SLC13A5: variants seen among roughly 807,000 people sequenced by gnomAD.
The protein encoded by SLC13A5 is solute carrier family 13 member 5, also known as Na(+)/citrate cotransporter.
SLC13A5 carries 25 observed loss-of-function variants against 56.5 expected under a neutral mutation model. The ratio of observed to expected loss-of-function variants is 0.44; its 90% CI spans 0.32 to 0.62. The LOEUF (loss-of-function observed/expected upper bound fraction) is 0.62, where lower values mean the gene tolerates loss of function less well. Among genes scored for constraint, SLC13A5 ranks in the 20% least tolerant of loss-of-function variants. SLC13A5 has a pLI of 0.04. For missense variants in SLC13A5, 649 were observed against 737.8 expected, an observed-to-expected ratio of 0.88 and a Z score of 1.39; for synonymous variants, 307 against 301.5, an observed-to-expected ratio of 1.02 and a Z score of -0.19.
Position 6,711,324 on chromosome 17 carries a change from G to C in SLC13A5, c.102+1908C>G, listed in dbSNP as rs1974015339. Among the ~76,000 whole-genome samples the C allele has an allele frequency of 1.3e-5, 2 of 152,100 alleles. No homozygotes were observed. Among genetic ancestry groups the C allele is most frequent in the African/African-American group, 4.8e-5 (2 of 41,422 alleles). On this transcript the variant is annotated intron_variant, in intron 1 of 11. Coordinates refer to ENST00000433363, the MANE Select transcript of SLC13A5 (RefSeq NM_177550.5). This position sits in a 1 kb window ranked among gnomAD's most constrained non-coding sequence, Gnocchi z 4.0. Reference sequence around the variant, plus strand: ...GGTCCTCACCCAACCCCGCCAGAAGGAAAGCTCGTGAAGGCAGCCTTTGGA... The same window carrying C: ...GGTCCTCACCCAACCCCGCCAGAAGCAAAGCTCGTGAAGGCAGCCTTTGGA...
At position 6,701,579 on chromosome 17, in the gene SLC13A5, G is replaced by A. The variant is rs867853935; in HGVS notation, c.717-453C>T. Among the ~76,000 whole-genome samples the A allele has an allele frequency of 1.4e-4, 21 of 152,210 alleles. No homozygotes were observed. Among genetic ancestry groups the A allele is most frequent in the African/African-American group, 1.9e-4 (8 of 41,536 alleles). On this transcript the variant is annotated intron_variant, in intron 5 of 11. Coordinates refer to ENST00000433363, the MANE Select transcript of SLC13A5 (RefSeq NM_177550.5). The surrounding 1 kb of genome is among the most constrained non-coding windows in gnomAD (Gnocchi z 4.1). ...ACAAAAATTAACCAGGCATGGTGGCGGGCGCCTGTAATCCCAGCTAATAGG... is the reference window on the plus strand; with the variant it reads ...ACAAAAATTAACCAGGCATGGTGGCAGGCGCCTGTAATCCCAGCTAATAGG...
intron 3 of SLC13A5, 87 bp from the exon 4 acceptor site, chr17:6,704,143 C>T (rs971401460): frequency 2.1e-6 from 3 of 1,438,102 alleles, no homozygotes; most frequent in Non-Finnish European, 1.9e-6. Context: ...TGGGTCCACC[C>T]CTGCAGGGAT....
intron 6 of SLC13A5, among the ~76,000 whole-genome samples, chr17:6,700,561 AT>A (rs1463692330): frequency 6.6e-6 from 1 of 152,176 alleles, no homozygotes; most frequent in African/African-American, 2.4e-5. Context: ...CTTATCTTTA[AT>A]TGCTTTAACC....
rs1216409113 is a variant in SLC13A5, at chr17:6,692,603, C to T, written c.1275+441G>A. Among the ~76,000 whole-genome samples, 2 of 152,182 alleles carry T rather than the reference C, an allele frequency of 1.3e-5. No individual in the cohort carries two copies. Among genetic ancestry groups the T allele is most frequent in the Non-Finnish European group, 2.9e-5 (2 of 68,050 alleles). On this transcript the variant is annotated intron_variant, in intron 9 of 11. Transcript: ENST00000433363. This position sits in a 1 kb window ranked among gnomAD's most constrained non-coding sequence, Gnocchi z 5.5. ...TGTGTGTTTTCCAACATGTTCCTCACCTCCTACGCTGCTACATACTTAGCT... is the reference window on the plus strand; with the variant it reads ...TGTGTGTTTTCCAACATGTTCCTCATCTCCTACGCTGCTACATACTTAGCT...
At position 6,703,760 on chromosome 17, in the gene SLC13A5, G is replaced by A. The variant is rs77568935; in HGVS notation, c.547+118C>T. On this transcript the variant is annotated intron_variant, in intron 4 of 11. Transcript: ENST00000433363. ...ATTTTCTATTTTTTTTTCTCTATGCGTGTTTAAAGGAGGGCTCCGGGAAGC... is the reference window on the plus strand; with the variant it reads ...ATTTTCTATTTTTTTTTCTCTATGCATGTTTAAAGGAGGGCTCCGGGAAGC... 1.8e-3 allele frequency: 1,858 copies of A among 1,041,082 alleles called. 20 individuals are homozygous for A. The African/African-American group carries it at 0.023, about 13-fold the overall frequency. 64.5% of individuals were successfully genotyped at this position (1,041,082 alleles called of 1,614,324 possible). A position where few individuals can be genotyped will look rare whatever the true frequency, so the allele number is the denominator to read the frequency against.
At chr17:6,703,627 C>T (rs1175896124) in intron 4 of SLC13A5, among the ~76,000 whole-genome samples, 1 of 152,228 alleles carries the variant, frequency 6.6e-6, no homozygotes, top group Non-Finnish European at 1.5e-5. Context: ...CAGGTGAACA[C>T]ACTGATTTCT....
At position 6,693,172 on chromosome 17, in the gene SLC13A5, AAAAG is replaced by A; in HGVS notation, c.1157-14_1157-11del. ...AATGGAGTTTTCCTTTCTGGGAAGA[AAAAG>A]AAACACACACACACACACACACACA... On this transcript the variant is annotated splice_polypyrimidine_tract_variant and intron_variant, in intron 8 of 11. Coordinates refer to ENST00000433363, the MANE Select transcript of SLC13A5 (RefSeq NM_177550.5). The A allele has an allele frequency of 8.2e-7, 1 of 1,213,950 alleles. No individual in the cohort carries two copies. The highest frequency in any genetic ancestry group is 1.2e-6 in the Non-Finnish European group (1 of 849,144). 75.2% of individuals were successfully genotyped at this position (1,213,950 alleles called of 1,614,324 possible).
chr17:6,696,001 G>C (rs960033148), intron 6 of SLC13A5, 60 bp from the exon 7 acceptor site: 9 of 1,482,022 alleles, frequency 6.1e-6, no homozygotes, highest in Non-Finnish European at 6.5e-6. Flanking sequence ...GTGCTGGTCA[G>C]ATGGAGCCTA....
chr17:6,706,586 T>G, intron 3 of SLC13A5, 56 bp downstream of exon 3: 1 of 1,591,520 alleles, frequency 6.3e-7, no homozygotes, highest in South Asian at 1.1e-5. Flanking sequence ...CTCCACCCCC[T>G]TCCAGCCCTG....
intron 5 of SLC13A5, 33 bp downstream of exon 5, chr17:6,702,937 C>T (rs190122953): frequency 9.4e-5 from 151 of 1,606,660 alleles, no homozygotes; most frequent in East Asian, 8.9e-4. Flanking sequence ...GTACCCACTT[C>T]GTTGTCCCCA....
intron 1 of SLC13A5, among the ~76,000 whole-genome samples, chr17:6,708,035 C>T (rs963923626): frequency 6.6e-6 from 1 of 152,172 alleles, no homozygotes; most frequent in African/African-American, 2.4e-5. Context: ...TGCAATGGCA[C>T]AATCTCAGCT....
At chr17:6,693,223 A>C in intron 8 of SLC13A5, 61 bp from the exon 9 acceptor site, 1 of 812,928 alleles carries the variant, frequency 1.2e-6, no homozygotes. Flanking sequence ...ACACACACAC[A>C]CACACACCAG....
rs369989423 is a variant in SLC13A5 at position 6,713,341 on chromosome 17, G to A, written c.-8C>T. On this transcript the variant is annotated 5_prime_UTR_variant, in exon 1 of 12. Coordinates refer to ENST00000433363, the MANE Select transcript of SLC13A5 (RefSeq NM_177550.5). The surrounding 1 kb of genome is among the most constrained non-coding windows in gnomAD (Gnocchi z 7.3). ...GCTCAGCGCCGAGGCCATCGCGCGG[G>A]AGGGAGACTGGCGGGCGAGACGAGT... is the stretch of plus-strand genomic sequence containing the variant. 5 of 1,612,980 alleles carry A rather than the reference G, an allele frequency of 3.1e-6. No homozygotes were observed. Among genetic ancestry groups the A allele is most frequent in the Non-Finnish European group, 4.2e-6 (5 of 1,179,424 alleles).
At position 6,695,882 on chromosome 17, in the gene SLC13A5, T is replaced by C; in HGVS notation, c.899A>G (p.Lys300Arg). 6.2e-7 allele frequency: 1 copy of C among 1,614,114 alleles called. No individual in the cohort carries two copies. The highest frequency in any genetic ancestry group is 1.1e-5 in the South Asian group (1 of 91,072). The change falls in exon 7 of 12, where the codon AAG becomes AGG. Residue 300 changes from lysine to arginine, a missense_variant. Physicochemically the swap from Lys to Arg is conservative, Grantham distance 26 (BLOSUM62 2). Coordinates refer to ENST00000433363, the MANE Select transcript of SLC13A5 (RefSeq NM_177550.5). ...ESKKNEKAAL[K>R]VLQEEYRKLG... ...CTTCCGGTACTCCTCCTGCAGCACC[T>C]TGAGGGCAGCCTTCTCGTTTTTCTT... is the stretch of plus-strand genomic sequence containing the variant.
At chr17:6,694,913 C>A (rs1300134664) in intron 7 of SLC13A5, among the ~76,000 whole-genome samples, 1 of 152,196 alleles carries the variant, frequency 6.6e-6, no homozygotes, top group Non-Finnish European at 1.5e-5. Context: ...GTACATGTTT[C>A]TCATCCTTTC....
At chr17:6,691,554 C>A (rs975987601) in intron 9 of SLC13A5, among the ~76,000 whole-genome samples, 6 of 152,200 alleles carry the variant, frequency 3.9e-5, no homozygotes, top group African/African-American at 1.4e-4. Flanking sequence ...AGAGCCTGGG[C>A]AGACACTCCT....
intron 6 of SLC13A5, among the ~76,000 whole-genome samples, chr17:6,699,872 T>C (rs760273122): frequency 1.1e-4 from 16 of 152,224 alleles, no homozygotes; most frequent in African/African-American, 3.6e-4. Flanking sequence ...TCCAAAAATG[T>C]TGGGATTACA....
chr17:6,701,101 C>G lies in SLC13A5; in HGVS notation c.742G>C (p.Val248Leu). The G allele has an allele frequency of 1.9e-6, 3 of 1,614,118 alleles. No individual in the cohort carries two copies. The highest frequency in any genetic ancestry group is 1.3e-5 in the African/African-American group (1 of 75,048). Residue 248 changes from valine (V) to leucine (L), a missense_variant, in exon 6 of 12, where the codon GTG becomes CTG. Physicochemically the swap from Val to Leu is conservative, Grantham distance 32. Coordinates refer to ENST00000433363, the MANE Select transcript of SLC13A5 (RefSeq NM_177550.5). The surrounding 1 kb of genome is among the most constrained non-coding windows in gnomAD (Gnocchi z 4.1). ...AATGCAAACCAGGAAGCAAAGTTCA[C>G]GAGGTCCTTGCTGTCAGGAAACAAC... is the stretch of plus-strand genomic sequence containing the variant. ...NELFPDSKDL[V>L]NFASWFAFAF... is the part of the protein sequence containing the mutation.
At chr17:6,694,260 C>T in intron 7 of SLC13A5, 63 bp from the exon 8 acceptor site, 2 of 966,494 alleles carry the variant, frequency 2.1e-6, no homozygotes, top group South Asian at 2.8e-5. Flanking sequence ...CCCATCACAA[C>T]TCCGGCAGTT....
Sources: allele counts gnomAD v4.1 joint callset (sites outside exome capture counted in the v4.1 genomes callset), GRCh38; gene constraint gnomAD v4.1.1; non-coding constraint Gnocchi (gnomAD v3.1); transcripts MANE v1.5; gene names NCBI Gene and HGNC (gene_info 2026-07-23, HGNC 2026-07-21).